Variants in KCNAB1 observed in about 807,000 individuals in gnomAD.
KCNAB1 encodes voltage-gated potassium channel subunit beta-1.
In KCNAB1, 35 loss-of-function variants were observed where a neutral mutation model predicts 64.6. The observed-to-expected ratio is 0.54, with a 90% CI of 0.41 to 0.72. KCNAB1 has a LOEUF of 0.72. Among genes scored for constraint, KCNAB1 ranks in the 30% least tolerant of loss-of-function variants. The probability of loss-of-function intolerance (pLI) is 0.00; values close to 1 mark genes in which losing one functional copy is unlikely to be tolerated. For missense variants in KCNAB1, 401 were observed against 512.9 expected, an observed-to-expected ratio of 0.78 and a Z score of 2.11; for synonymous variants, 177 against 183.8, an observed-to-expected ratio of 0.96 and a Z score of 0.30.
intron 6 of KCNAB1, among the ~76,000 whole-genome samples, chr3:156,465,427 T>C (rs1713289867): frequency 6.6e-6 from 1 of 152,132 alleles, no homozygotes; most frequent in African/African-American, 2.4e-5. Context: ...TTGAGCATGT[T>C]AGTGGCTTGG....
At chr3:156,391,988 C>G (rs1713074246) in intron 1 of KCNAB1, among the ~76,000 whole-genome samples, 1 of 152,146 alleles carries the variant, frequency 6.6e-6, no homozygotes, top group South Asian at 2.1e-4. Context: ...CATCGATTAG[C>G]TTGGAGAAGA....
At chr3:156,358,980 C>G (rs1049650006) in intron 1 of KCNAB1, among the ~76,000 whole-genome samples, 1 of 152,154 alleles carries the variant, frequency 6.6e-6, no homozygotes, top group Non-Finnish European at 1.5e-5. Flanking sequence ...ACAGCACATC[C>G]CACAGTGCAC....
At chr3:156,258,739 C>G (rs750169187) in intron 1 of KCNAB1, among the ~76,000 whole-genome samples, 8 of 152,220 alleles carry the variant, frequency 5.3e-5, no homozygotes, top group Non-Finnish European at 1.2e-4. Flanking sequence ...TAACTCACTC[C>G]TACTCAATTA....
chr3:156,438,479 TG>T (rs562789812), intron 2 of KCNAB1, among the ~76,000 whole-genome samples: 59 of 152,362 alleles, frequency 3.9e-4, no homozygotes, highest in African/African-American at 1.4e-3. Flanking sequence ...TTCTAAGCTT[TG>T]TTAAGACAGG....
chr3:156,399,548 G>A (rs1408106536), intron 1 of KCNAB1, among the ~76,000 whole-genome samples: 4 of 152,132 alleles, frequency 2.6e-5, no homozygotes, highest in Non-Finnish European at 4.4e-5. Flanking sequence ...ACAGGACATG[G>A]CAAAGTTATT....
chr3:156,239,674 T>A (rs984856399), intron 1 of KCNAB1, among the ~76,000 whole-genome samples: 9 of 152,222 alleles, frequency 5.9e-5, no homozygotes, highest in African/African-American at 2.2e-4. Context: ...CCTTTTGCAC[T>A]TGCTCTTAAT....
intron 7 of KCNAB1, among the ~76,000 whole-genome samples, chr3:156,473,852 C>A (rs1714133523): frequency 6.6e-6 from 1 of 152,136 alleles, no homozygotes; most frequent in Non-Finnish European, 1.5e-5. Flanking sequence ...AAATGCTGTG[C>A]CCCATGGAAA....
At chr3:156,434,201 A>G (rs895193385) in intron 2 of KCNAB1, among the ~76,000 whole-genome samples, 8 of 152,194 alleles carry the variant, frequency 5.3e-5, no homozygotes, top group African/African-American at 1.7e-4. Flanking sequence ...TCATGAAAAC[A>G]TTTAACTCCA....
intron 8 of KCNAB1, among the ~76,000 whole-genome samples, chr3:156,496,171 A>G (rs1208712350): frequency 6.6e-6 from 1 of 152,180 alleles, no homozygotes; most frequent in Non-Finnish European, 1.5e-5. Flanking sequence ...TAAAGGCACA[A>G]TATTTGTAAA....
chr3:156,369,054 A>G (rs1286711725), intron 1 of KCNAB1, among the ~76,000 whole-genome samples: 1 of 152,162 alleles, frequency 6.6e-6, no homozygotes, highest in Non-Finnish European at 1.5e-5. Context: ...GATCTAGAAC[A>G]TTTCCACCCC....
intron 2 of KCNAB1, among the ~76,000 whole-genome samples, chr3:156,447,236 C>G (rs1318489604): frequency 6.6e-6 from 1 of 152,184 alleles, no homozygotes; most frequent in African/African-American, 2.4e-5. Context: ...GATTCTCTAA[C>G]ATTCATCAGT....
chr3:156,158,356 G>T (rs1022556051), intron 1 of KCNAB1, among the ~76,000 whole-genome samples: 4 of 151,950 alleles, frequency 2.6e-5, no homozygotes, highest in Admixed American at 1.3e-4. Flanking sequence ...CAAGTGTTGG[G>T]ATTCGTTAGT....
chr3:156,502,618 T>G (rs986984270), intron 8 of KCNAB1, among the ~76,000 whole-genome samples: 29 of 151,706 alleles, frequency 1.9e-4, no homozygotes, highest in African/African-American at 6.8e-4. Context: ...AACAAAACTT[T>G]ACAAATTTTA....
intron 1 of KCNAB1, among the ~76,000 whole-genome samples, chr3:156,322,764 T>C (rs902716689): frequency 3.3e-5 from 5 of 152,218 alleles, no homozygotes; most frequent in African/African-American, 1.2e-4. Flanking sequence ...ACAGAACCAC[T>C]GGTTTCCAAG....
rs574941628 is a variant in KCNAB1 at position 156,306,479 on chromosome 3, TC to T, written c.276-115134del. ...TGAAGATATTAACATGTGGTGTTCC[TC>T]CCTGCATCTCTTCACTTTACTACAT... On this transcript the variant is annotated intron_variant, in intron 1 of 13. Coordinates refer to ENST00000490337, the MANE Select transcript of KCNAB1 (RefSeq NM_172160.3). 2.4e-3 allele frequency among the ~76,000 whole-genome samples: 370 copies of T among 152,362 alleles called. 4 individuals are homozygous for T. Among genetic ancestry groups the T allele is most frequent in the African/African-American group, 8.5e-3 (353 of 41,588 alleles).
chr3:156,377,269 C>A (rs1298855623), intron 1 of KCNAB1, among the ~76,000 whole-genome samples: 1 of 152,016 alleles, frequency 6.6e-6, no homozygotes, highest in Admixed American at 6.5e-5. Flanking sequence ...CCTTCCTGAC[C>A]AATGATTCCA....
chr3:156,179,457 C>T (rs941136650), intron 1 of KCNAB1, among the ~76,000 whole-genome samples: 1 of 135,674 alleles, frequency 7.4e-6, no homozygotes, highest in Non-Finnish European at 1.6e-5. Flanking sequence ...TCTTCCCCCG[C>T]GTTCTTCTGG....
At chr3:156,391,972 G>T (rs1713072579) in intron 1 of KCNAB1, among the ~76,000 whole-genome samples, 1 of 152,148 alleles carries the variant, frequency 6.6e-6, no homozygotes, top group East Asian at 1.9e-4. Context: ...AAATAGGTAA[G>T]AAATACATCG....
In KCNAB1 at chr3:156,469,005, T is replaced by C. The variant is rs74812872; in HGVS notation, c.571+3319T>C. On this transcript the variant is annotated intron_variant, in intron 7 of 13. Coordinates refer to ENST00000490337, the MANE Select transcript of KCNAB1 (RefSeq NM_172160.3). ...AGTCAGCTTACAGAACCACGCTGAATGAACAGGGCAGCAGTATGTTTCCCG... is the reference window on the plus strand; with the variant it reads ...AGTCAGCTTACAGAACCACGCTGAACGAACAGGGCAGCAGTATGTTTCCCG... 2.4e-4 allele frequency among the ~76,000 whole-genome samples: 36 copies of C among 152,352 alleles called. No individual in the cohort carries two copies. In the East Asian group the frequency reaches 6.9e-3, roughly 29 times the overall value.
Sources: allele counts gnomAD v4.1 joint callset (sites outside exome capture counted in the v4.1 genomes callset), GRCh38; gene constraint gnomAD v4.1.1; transcripts MANE v1.5; gene names NCBI Gene and HGNC (gene_info 2026-07-23, HGNC 2026-07-21).